The following AFG2A variants were observed in gnomAD, a reference collection of about 807,000 sequenced individuals.
The protein encoded by AFG2A is AAA ATPase AFG2A.
the AFG2A span, among the ~76,000 whole-genome samples, chr4:122,925,124 G>C: frequency 6.6e-6 from 1 of 151,978 alleles, no homozygotes; most frequent in Non-Finnish European, 1.5e-5. Context: ...AGAAACCTAA[G>C]AGTCATCCAT....
chr4:123,025,815 T>C, the AFG2A span, among the ~76,000 whole-genome samples: 2 of 152,188 alleles, frequency 1.3e-5, no homozygotes, highest in Non-Finnish European at 2.9e-5. Flanking sequence ...AGTAGGAGTT[T>C]ATAATACCAA....
the AFG2A span, among the ~76,000 whole-genome samples, chr4:123,013,951 T>TCATTTAAA: frequency 3.9e-5 from 6 of 152,166 alleles, no homozygotes; most frequent in African/African-American, 1.4e-4. Flanking sequence ...TAATCAAAAC[T>TCATTTAAA]CATTTAAACA....
chr4:123,068,628 C>A, the AFG2A span, among the ~76,000 whole-genome samples: 1 of 152,006 alleles, frequency 6.6e-6, no homozygotes, highest in Non-Finnish European at 1.5e-5. Context: ...AAATTTGCTC[C>A]CTCATTCATA....
the AFG2A span, among the ~76,000 whole-genome samples, chr4:123,226,543 C>A: frequency 6.6e-6 from 1 of 152,216 alleles, no homozygotes; most frequent in Admixed American, 6.5e-5. Flanking sequence ...ACCAGCCTTG[C>A]ATCCCAGGAA....
chr4:122,924,527 C>T, the AFG2A span, among the ~76,000 whole-genome samples: 1 of 152,188 alleles, frequency 6.6e-6, no homozygotes, highest in Non-Finnish European at 1.5e-5. Flanking sequence ...TGGTTTTCTT[C>T]ATCTTTGTTG....
chr4:123,012,192 T>G, the AFG2A span, among the ~76,000 whole-genome samples: 27 of 81,892 alleles, frequency 3.3e-4, no homozygotes, highest in Admixed American at 8.0e-4. Context: ...AGAGAAGGGG[T>G]GGGGGGCGCT....
At chr4:123,207,695 G>A in the AFG2A span, among the ~76,000 whole-genome samples, 1 of 152,136 alleles carries the variant, frequency 6.6e-6, no homozygotes. Context: ...CTGTCATCCA[G>A]AAGAATAGAA....
At chr4:122,949,850 A>T in the AFG2A span, among the ~76,000 whole-genome samples, 61 of 152,284 alleles carry the variant, frequency 4.0e-4, no homozygotes, top group African/African-American at 1.2e-3. Context: ...ATTACAGTGG[A>T]GAGTATGGTA....
the AFG2A span, among the ~76,000 whole-genome samples, chr4:123,148,769 A>C: frequency 7.3e-6 from 1 of 136,876 alleles, no homozygotes; most frequent in African/African-American, 2.7e-5. Context: ...CACACACTCT[A>C]TTTTTTTTTT....
chr4:123,025,154 A>G, the AFG2A span, among the ~76,000 whole-genome samples: 1,843 of 152,300 alleles, frequency 0.012, 43 homozygotes, highest in African/African-American at 0.041. Flanking sequence ...ATGGTCTGTT[A>G]CCGCTGTTAA....
chr4:123,165,211 TAG>T, the AFG2A span, among the ~76,000 whole-genome samples: 1 of 152,168 alleles, frequency 6.6e-6, no homozygotes, highest in South Asian at 2.1e-4. Context: ...TGCCTTGGGC[TAG>T]AGTTAGGAGA....
At chr4:123,146,132 A>T in the AFG2A span, among the ~76,000 whole-genome samples, 1 of 152,172 alleles carries the variant, frequency 6.6e-6, no homozygotes, top group African/African-American at 2.4e-5. Flanking sequence ...TGAACCTAAG[A>T]TTTTATCCAA....
chr4:122,968,745 G>A, the AFG2A span, among the ~76,000 whole-genome samples: 1 of 152,082 alleles, frequency 6.6e-6, no homozygotes, highest in Non-Finnish European at 1.5e-5. Flanking sequence ...CTGCCAAAAC[G>A]TTTTTGTAGT....
chr4:122,976,204 T>C, the AFG2A span, among the ~76,000 whole-genome samples: 4 of 152,208 alleles, frequency 2.6e-5, no homozygotes, highest in African/African-American at 9.6e-5. Flanking sequence ...GAGAGATCTC[T>C]GAGATTAAAC....
At chr4:123,071,129 A>G in the AFG2A span, among the ~76,000 whole-genome samples, 1 of 152,202 alleles carries the variant, frequency 6.6e-6, no homozygotes, top group South Asian at 2.1e-4. Context: ...TTGGGAAACA[A>G]TTCTTTTCAA....
At chr4:123,287,944 A>G in the AFG2A span, among the ~76,000 whole-genome samples, 1 of 152,156 alleles carries the variant, frequency 6.6e-6, no homozygotes, top group African/African-American at 2.4e-5. Context: ...AGAAGTCCAC[A>G]TGCTCCGAAC....
chr4:123,310,338 G>T, the AFG2A span, among the ~76,000 whole-genome samples: 1 of 152,120 alleles, frequency 6.6e-6, no homozygotes, highest in Non-Finnish European at 1.5e-5. Context: ...ATATTTGATG[G>T]TAGAATTATT....
the AFG2A span, among the ~76,000 whole-genome samples, chr4:122,948,420 A>ACG: frequency 6.6e-6 from 1 of 151,538 alleles, no homozygotes; most frequent in Non-Finnish European, 1.5e-5. Flanking sequence ...ACACACACAC[A>ACG]CACACACACA....
chr4:122,923,078 C>G, the AFG2A span: 4 of 1,594,046 alleles, frequency 2.5e-6, no homozygotes, highest in Non-Finnish European at 3.4e-6. Context: ...GGAAGTTTTT[C>G]TCTCAGTTGA....
Sources: gnomAD v4.1 joint callset for allele counts (sites outside exome capture counted in the v4.1 genomes callset) on GRCh38, gnomAD v4.1.1 for gene constraint, MANE v1.5 for transcripts, NCBI Gene and HGNC (gene_info 2026-07-23, HGNC 2026-07-21) for gene names.